Variants in PCDH15 observed in about 807,000 individuals in gnomAD.
The protein encoded by PCDH15 is protocadherin related 15.
Under a neutral mutation model 178.5 loss-of-function variants are expected in PCDH15, and 129 were observed. The ratio of observed to expected loss-of-function variants is 0.72; its 90% confidence interval spans 0.63 to 0.84. PCDH15 has a LOEUF of 0.84. Among genes scored for constraint, PCDH15 ranks in the 40% least tolerant of loss-of-function variants. The probability of loss-of-function intolerance (pLI) is 0.00; values close to 1 mark genes in which losing one functional copy is unlikely to be tolerated. For missense variants in PCDH15, 2,230 were observed against 2,099.9 expected (o/e 1.06, Z -1.21); for synonymous variants, 800 against 732.0 (o/e 1.09, Z -1.50).
intron 3 of PCDH15, among the ~76,000 whole-genome samples, chr10:54,842,183 CGTGTGTGTGT>C (rs35175067): frequency 2.0e-5 from 3 of 150,072 alleles, no homozygotes; most frequent in Non-Finnish European, 3.0e-5. Context: ...TGTATGTGTG[CGTGTGTGTGT>C]GTGTGTGTGT....
At chr10:54,880,112 C>G (rs1453028967) in intron 3 of PCDH15, among the ~76,000 whole-genome samples, 1 of 152,096 alleles carries the variant, frequency 6.6e-6, no homozygotes, top group African/African-American at 2.4e-5. Context: ...AAATACCTTG[C>G]ATACTACACC....
intron 25 of PCDH15, among the ~76,000 whole-genome samples, chr10:53,910,960 A>G (rs1412027980): frequency 6.6e-6 from 1 of 152,172 alleles, no homozygotes. Flanking sequence ...AGAAGTTTAG[A>G]GAAAAAAAGA....
intron 28 of PCDH15, among the ~76,000 whole-genome samples, chr10:53,846,440 A>G (rs2077985166): frequency 6.6e-6 from 1 of 152,006 alleles, no homozygotes; most frequent in South Asian, 2.1e-4. Context: ...AACATATGTT[A>G]GTATAGTACC....
At chr10:54,083,985 G>A (rs2094475420) in intron 16 of PCDH15, among the ~76,000 whole-genome samples, 1 of 152,024 alleles carries the variant, frequency 6.6e-6, no homozygotes, top group African/African-American at 2.4e-5. Context: ...CAGTACTTTG[G>A]GTGGCTGAGG....
chr10:54,822,783 C>A (rs1953067976), intron 3 of PCDH15, among the ~76,000 whole-genome samples: 1 of 151,912 alleles, frequency 6.6e-6, no homozygotes, highest in African/African-American at 2.4e-5. Flanking sequence ...TACATCATTG[C>A]CAGCATCCAT....
At chr10:54,598,833 G>A (rs1391114064) in intron 2 of PCDH15, among the ~76,000 whole-genome samples, 1 of 151,950 alleles carries the variant, frequency 6.6e-6, no homozygotes, top group Non-Finnish European at 1.5e-5. Context: ...ATCAACAACA[G>A]CCAAGCTGAG....
chr10:55,497,996 A>C (rs977256401), intron 2 of PCDH15, among the ~76,000 whole-genome samples: 1 of 151,862 alleles, frequency 6.6e-6, no homozygotes, highest in African/African-American at 2.4e-5. Flanking sequence ...TGTTGGGTTT[A>C]GCCTATATCT....
intron 8 of PCDH15, among the ~76,000 whole-genome samples, chr10:54,249,056 G>A (rs2056248124): frequency 6.6e-6 from 1 of 151,746 alleles, no homozygotes; most frequent in African/African-American, 2.4e-5. Context: ...ATAGTTCAGA[G>A]AAGCAAAAAT....
At chr10:55,332,652 G>T (rs2132311956) in intron 2 of PCDH15, among the ~76,000 whole-genome samples, 1 of 152,220 alleles carries the variant, frequency 6.6e-6, no homozygotes, top group Non-Finnish European at 1.5e-5. Context: ...TGTTGTGAAA[G>T]GGACCCAGTG....
chr10:54,291,680 A>C (rs1195728659), intron 8 of PCDH15, among the ~76,000 whole-genome samples: 1 of 152,218 alleles, frequency 6.6e-6, no homozygotes, highest in Non-Finnish European at 1.5e-5. Flanking sequence ...CCACCAGAGA[A>C]TAGTATAAAT....
At chr10:54,329,418 A>G (rs1182777406) in intron 7 of PCDH15, among the ~76,000 whole-genome samples, 178 bp downstream of exon 7, 1 of 151,958 alleles carries the variant, frequency 6.6e-6, no homozygotes, top group Admixed American at 6.6e-5. Context: ...GTGAATAAAA[A>G]CAACCTATTC....
intron 5 of PCDH15, among the ~76,000 whole-genome samples, chr10:54,351,159 C>T (rs1356723202): frequency 1.3e-5 from 2 of 151,734 alleles, no homozygotes; most frequent in Non-Finnish European, 2.9e-5. Context: ...ATATTATATT[C>T]AGATCTTTTT....
chr10:54,791,427 A>G (rs1470728994), intron 1 of PCDH15, among the ~76,000 whole-genome samples: 1 of 151,928 alleles, frequency 6.6e-6, no homozygotes, highest in Non-Finnish European at 1.5e-5. Context: ...CCTTTATAGA[A>G]TCACAGTCCC....
intron 3 of PCDH15, among the ~76,000 whole-genome samples, chr10:54,460,933 G>T (rs1266723251): frequency 2.6e-5 from 4 of 152,080 alleles, no homozygotes; most frequent in African/African-American, 9.6e-5. Flanking sequence ...AAACTAGAAA[G>T]AACATATTTT....
At chr10:54,178,631 G>A (rs962300403) in intron 13 of PCDH15, among the ~76,000 whole-genome samples, 19 of 152,002 alleles carry the variant, frequency 1.2e-4, no homozygotes, top group African/African-American at 4.6e-4. Flanking sequence ...GAAAAGAAGT[G>A]GGGTGAGGAT....
intron 8 of PCDH15, among the ~76,000 whole-genome samples, chr10:54,260,192 A>G (rs2057206512): frequency 6.6e-6 from 1 of 152,186 alleles, no homozygotes; most frequent in Non-Finnish European, 1.5e-5. Context: ...TTGATCTCTT[A>G]AAATTTATTA....
intron 2 of PCDH15, among the ~76,000 whole-genome samples, chr10:54,913,197 A>T (rs1194577329): frequency 6.6e-6 from 1 of 152,186 alleles, no homozygotes; most frequent in Non-Finnish European, 1.5e-5. Flanking sequence ...AATGCCTCAA[A>T]AGCTTTTCAG....
intron 33 of PCDH15, among the ~76,000 whole-genome samples, chr10:53,819,269 C>T (rs561279472): frequency 1.0e-3 from 159 of 152,088 alleles, no homozygotes; most frequent in African/African-American, 3.8e-3. Context: ...ACGATTTCTT[C>T]TGACTCCTTT....
At chr10:54,253,174 GAAAATTT>G (rs2056634249) in intron 8 of PCDH15, among the ~76,000 whole-genome samples, 1 of 151,914 alleles carries the variant, frequency 6.6e-6, no homozygotes, top group Non-Finnish European at 1.5e-5. Flanking sequence ...CAGAACTGGA[GAAAATTT>G]AAAAGAGTAA....
Sources: allele counts gnomAD v4.1 joint callset (sites outside exome capture counted in the v4.1 genomes callset), GRCh38; gene constraint gnomAD v4.1.1; transcripts MANE v1.5; gene names NCBI Gene and HGNC (gene_info 2026-07-23, HGNC 2026-07-21).